The following MACROD2 variants were observed in gnomAD, a reference collection of about 807,000 sequenced individuals.
The protein encoded by MACROD2 is mono-ADP ribosylhydrolase 2.
MACROD2 carries 36 observed loss-of-function variants against 70.4 expected under a neutral mutation model. The ratio of observed to expected loss-of-function variants is 0.51; its 90% CI spans 0.39 to 0.68. The LOEUF is 0.68. Among genes scored for constraint, MACROD2 ranks in the 30% least tolerant of loss-of-function variants. MACROD2 has a pLI of 0.00. For missense variants in MACROD2, 496 were observed against 538.4 expected, an observed-to-expected ratio of 0.92 and a Z score of 0.78; for synonymous variants, 172 against 178.8, an observed-to-expected ratio of 0.96 and a Z score of 0.30.
chr20:14,197,644 G>C (rs2081443919), intron 3 of MACROD2, among the ~76,000 whole-genome samples: 1 of 152,072 alleles, frequency 6.6e-6, no homozygotes, highest in African/African-American at 2.4e-5. Context: ...GTGGGCGCCT[G>C]TAATCCCAGC....
In MACROD2 at chr20:14,493,486, C is replaced by T; in HGVS notation, c.279C>T (p.Ala93=). The T allele has an allele frequency of 6.2e-7, 1 of 1,608,320 alleles. No homozygotes were observed. ...GTGTTTTGTTTTAAACAGCAAATGC[C>T]AGTCTTCTTGGAGGAGGAGGTGGTA... ...EVDAIVNAAN[A]SLLGGGGVDG... Residue 93 remains alanine, a synonymous_variant, in exon 4 of 18, where the codon GCC becomes GCT. Coordinates refer to ENST00000684519, the MANE Select transcript of MACROD2 (RefSeq NM_001351661.2).
At chr20:15,028,485 C>G (rs973188764) in intron 5 of MACROD2, among the ~76,000 whole-genome samples, 1 of 152,162 alleles carries the variant, frequency 6.6e-6, no homozygotes, top group African/African-American at 2.4e-5. Context: ...TTATTAAGCA[C>G]CTACTGGATG....
chr20:14,041,963 C>T (rs1001253194), intron 2 of MACROD2, among the ~76,000 whole-genome samples: 10 of 151,706 alleles, frequency 6.6e-5, no homozygotes, highest in South Asian at 2.1e-4. Context: ...CAGAACAATC[C>T]GGATTTAAAA....
intron 3 of MACROD2, among the ~76,000 whole-genome samples, chr20:14,410,804 C>G (rs1005001020): frequency 6.6e-6 from 1 of 152,104 alleles, no homozygotes; most frequent in Non-Finnish European, 1.5e-5. Flanking sequence ...TCTGACTTCC[C>G]TACTTTTCTA....
At chr20:14,389,172 G>A (rs926734657) in intron 3 of MACROD2, among the ~76,000 whole-genome samples, 1 of 151,864 alleles carries the variant, frequency 6.6e-6, no homozygotes, top group Non-Finnish European at 1.5e-5. Context: ...GAGCCACCGC[G>A]GCTGGCCATC....
intron 8 of MACROD2, among the ~76,000 whole-genome samples, chr20:15,729,453 G>A (rs539496710): frequency 2.2e-4 from 34 of 152,124 alleles, no homozygotes; most frequent in South Asian, 1.9e-3. Flanking sequence ...AGTTTTTTGC[G>A]TCAGTGATCT....
chr20:14,116,221 TA>T (rs1483440037), intron 3 of MACROD2, among the ~76,000 whole-genome samples: 1 of 152,232 alleles, frequency 6.6e-6, no homozygotes, highest in Non-Finnish European at 1.5e-5. Flanking sequence ...TGGCTATTAT[TA>T]AAATGCAATT....
Position 14,127,032 on chromosome 20 carries a change from C to T in MACROD2, c.271+41304C>T, listed in dbSNP as rs1050857561. 7.2e-5 allele frequency among the ~76,000 whole-genome samples: 11 copies of T among 152,180 alleles called. 1 individual carries two copies. Among genetic ancestry groups the T allele is most frequent in the African/African-American group, 1.7e-4 (7 of 41,534 alleles). ...AAAAGCTGGAAATGATTAAACATAGCGAGGAAGACATGTCAAAAGGCAAGA... is the reference window on the plus strand; with the variant it reads ...AAAAGCTGGAAATGATTAAACATAGTGAGGAAGACATGTCAAAAGGCAAGA... On this transcript the variant is annotated intron_variant, in intron 3 of 17. Transcript: ENST00000684519.
At chr20:14,235,745 A>G (rs1393659223) in intron 3 of MACROD2, among the ~76,000 whole-genome samples, 1 of 152,126 alleles carries the variant, frequency 6.6e-6, no homozygotes, top group Non-Finnish European at 1.5e-5. Flanking sequence ...ATTTCCTTTC[A>G]AACTGAAGCA....
intron 5 of MACROD2, among the ~76,000 whole-genome samples, chr20:15,139,346 G>A (rs1228990156): frequency 5.9e-5 from 9 of 152,060 alleles, no homozygotes; most frequent in African/African-American, 1.9e-4. Flanking sequence ...GTTGTAAGTC[G>A]TGTAAATTGT....
At chr20:14,178,717 C>T (rs1005971718) in intron 3 of MACROD2, among the ~76,000 whole-genome samples, 2 of 148,252 alleles carry the variant, frequency 1.3e-5, no homozygotes, top group African/African-American at 5.0e-5. Flanking sequence ...TTGAAATCAG[C>T]CAAGTCAGCT....
chr20:14,907,273 C>A (rs1394318159), intron 5 of MACROD2, among the ~76,000 whole-genome samples: 4 of 152,206 alleles, frequency 2.6e-5, no homozygotes, highest in Non-Finnish European at 4.4e-5. Flanking sequence ...CTCTGGGCTG[C>A]TACTCAGAGC....
chr20:15,414,765 A>G (rs920264040), intron 6 of MACROD2, among the ~76,000 whole-genome samples: 1 of 152,226 alleles, frequency 6.6e-6, no homozygotes, highest in Non-Finnish European at 1.5e-5. Flanking sequence ...ATGCAATGAT[A>G]TCATGAAAGT....
At position 15,186,351 on chromosome 20, in the gene MACROD2, G is replaced by A. The variant is rs564481702; in HGVS notation, c.419-43589G>A. Among the ~76,000 whole-genome samples the A allele has an allele frequency of 2.0e-5, 3 of 152,280 alleles. No homozygotes were observed. The East Asian group carries it at 5.8e-4, about 29-fold the overall frequency. On this transcript the variant is annotated intron_variant, in intron 5 of 17. Transcript: ENST00000684519. ...CCTGCTTTAATGCATTTAGCATTCA[G>A]TTGGCACCAGATTCTAGACAACCTT...
At chr20:14,339,557 G>A (rs1020748069) in intron 3 of MACROD2, among the ~76,000 whole-genome samples, 7 of 152,132 alleles carry the variant, frequency 4.6e-5, no homozygotes, top group Non-Finnish European at 8.8e-5. Flanking sequence ...ATTCAGGCAG[G>A]CCTTAAACAG....
chr20:15,716,741 C>G (rs2050713522), intron 8 of MACROD2, among the ~76,000 whole-genome samples: 2 of 152,096 alleles, frequency 1.3e-5, no homozygotes, highest in African/African-American at 4.8e-5. Flanking sequence ...AACGGGTTTT[C>G]TTTTTCTGAG....
Position 14,830,231 on chromosome 20 carries a change from G to A in MACROD2, c.418+145272G>A, listed in dbSNP as rs6042942. 1.6e-3 allele frequency among the ~76,000 whole-genome samples: 241 copies of A among 152,136 alleles called. 2 individuals are homozygous for A. The highest frequency in any genetic ancestry group is 5.4e-3 in the African/African-American group (224 of 41,506). On this transcript the variant is annotated intron_variant, in intron 5 of 17. Coordinates refer to ENST00000684519, the MANE Select transcript of MACROD2 (RefSeq NM_001351661.2). ...AGAGGCATCACTGAAATTTGAATTGGCCATGCTGTGATTGCCAAGTCTCTC... is the reference window on the plus strand; with the variant it reads ...AGAGGCATCACTGAAATTTGAATTGACCATGCTGTGATTGCCAAGTCTCTC...
intron 13 of MACROD2, among the ~76,000 whole-genome samples, chr20:15,980,802 T>A (rs1271819999): frequency 3.3e-5 from 5 of 152,240 alleles, no homozygotes; most frequent in African/African-American, 4.8e-5. Context: ...TAATCCATTT[T>A]GATAGATAGC....
intron 2 of MACROD2, among the ~76,000 whole-genome samples, chr20:14,040,576 G>A (rs6074677): frequency 0.11 from 16,160 of 152,078 alleles, 1,097 homozygotes; most frequent in Admixed American, 0.18. Flanking sequence ...CCCAAATATG[G>A]TATACTTGTT....
Sources: allele counts gnomAD v4.1 joint callset (sites outside exome capture counted in the v4.1 genomes callset), GRCh38; gene constraint gnomAD v4.1.1; transcripts MANE v1.5; gene names NCBI Gene and HGNC (gene_info 2026-07-23, HGNC 2026-07-21).